The following ANO2 variants were observed in gnomAD, a reference collection of about 807,000 sequenced individuals.
The protein encoded by ANO2 is anoctamin 2.
Under a neutral mutation model 124.2 loss-of-function variants are expected in ANO2, and 101 were observed. The observed-to-expected ratio is 0.81, with a 90% confidence interval of 0.69 to 0.96. The LOEUF (loss-of-function observed/expected upper bound fraction) is 0.96, where lower values mean the gene tolerates loss of function less well. Ranked by LOEUF, ANO2 falls within the 40% of genes least tolerant of loss-of-function variation. The pLI is 0.00. For missense variants in ANO2, 1,293 were observed against 1,274.5 expected (o/e 1.01, Z -0.22); for synonymous variants, 486 against 482.5 (o/e 1.01, Z -0.09).
At chr12:5,789,470 G>A (rs1565670539) in intron 10 of ANO2, among the ~76,000 whole-genome samples, 1 of 152,202 alleles carries the variant, frequency 6.6e-6, no homozygotes, top group Non-Finnish European at 1.5e-5. Flanking sequence ...AAACCAGTAA[G>A]GATGAGCCTA....
intron 10 of ANO2, among the ~76,000 whole-genome samples, chr12:5,792,973 A>G (rs1325117061): frequency 6.6e-6 from 1 of 152,194 alleles, no homozygotes; most frequent in Non-Finnish European, 1.5e-5. Flanking sequence ...GTGAGTCCCA[A>G]GAAGGACAAT....
intron 3 of ANO2, among the ~76,000 whole-genome samples, chr12:5,874,747 T>C (rs1209250333): frequency 2.0e-5 from 3 of 152,180 alleles, no homozygotes; most frequent in East Asian, 1.9e-4. Flanking sequence ...TAGTTGTACA[T>C]ATGGAAATCC....
chr12:5,646,403 C>G (rs1488041044), intron 15 of ANO2, among the ~76,000 whole-genome samples: 1 of 152,058 alleles, frequency 6.6e-6, no homozygotes, highest in Non-Finnish European at 1.5e-5. Flanking sequence ...ATATCCTAAC[C>G]TACTACTACT....
At chr12:5,901,438 G>A (rs1261901490) in intron 3 of ANO2, among the ~76,000 whole-genome samples, 1 of 152,208 alleles carries the variant, frequency 6.6e-6, no homozygotes, top group Non-Finnish European at 1.5e-5. Context: ...CCAAGGGTTT[G>A]AGATGGCAGC....
intron 15 of ANO2, among the ~76,000 whole-genome samples, chr12:5,638,765 G>A (rs756214782): frequency 2.9e-4 from 44 of 151,910 alleles, no homozygotes; most frequent in Non-Finnish European, 5.3e-4. Context: ...CTGGCTGCCT[G>A]GCACATGGTC....
At chr12:5,718,811 T>C (rs1236832473) in intron 14 of ANO2, among the ~76,000 whole-genome samples, 1 of 152,190 alleles carries the variant, frequency 6.6e-6, no homozygotes, top group Non-Finnish European at 1.5e-5. Flanking sequence ...ATGCAGTGGC[T>C]GTAACTCTTC....
At chr12:5,693,475 G>A (rs1949029258) in intron 14 of ANO2, among the ~76,000 whole-genome samples, 1 of 152,066 alleles carries the variant, frequency 6.6e-6, no homozygotes, top group Non-Finnish European at 1.5e-5. Context: ...TTGGACCACT[G>A]CAACTGCCTC....
chr12:5,610,155 TAC>T (rs1944427806), intron 19 of ANO2, among the ~76,000 whole-genome samples: 1 of 131,002 alleles, frequency 7.6e-6, no homozygotes, highest in African/African-American at 2.9e-5. Context: ...TATTTATATA[TAC>T]AAATTTATAT....
Position 5,945,208 on chromosome 12 carries a change from GA to G in ANO2, c.9del (p.Pro6ArgfsTer14). Reference protein sequence around the residue: MATPGPRDIPLLP... With the variant: MAXPGPRDIPLLP... ...CCGGAAAACTCACCGCGCGGCCCGGGAGTCGCCATGATGTGGACGCAGACCC... is the reference window on the plus strand; with the variant it reads ...CCGGAAAACTCACCGCGCGGCCCGGGGTCGCCATGATGTGGACGCAGACCC... On this transcript the variant is annotated frameshift_variant, in exon 1 of 25. Coordinates refer to ENST00000682330, the MANE Select transcript of ANO2 (RefSeq NM_001364791.2). LOFTEE classifies it high-confidence loss of function. 7.8e-7 allele frequency: 1 copy of G among 1,288,692 alleles called. No homozygotes were observed. Among genetic ancestry groups the G allele is most frequent in the Non-Finnish European group, 1.0e-6 (1 of 988,234 alleles). 79.8% of individuals were successfully genotyped at this position (1,288,692 alleles called of 1,614,324 possible).
At chr12:5,767,110 A>T (rs1049670491) in intron 10 of ANO2, among the ~76,000 whole-genome samples, 8 of 152,214 alleles carry the variant, frequency 5.3e-5, no homozygotes, top group Non-Finnish European at 1.0e-4. Flanking sequence ...TTCTGCTCTC[A>T]ACTCTGCCAA....
intron 3 of ANO2, among the ~76,000 whole-genome samples, chr12:5,920,767 T>G (rs2136302123): frequency 6.6e-6 from 1 of 152,138 alleles, no homozygotes; most frequent in East Asian, 1.9e-4. Flanking sequence ...CTCGGGAGAC[T>G]GAGGTAGGAG....
chr12:5,580,441 G>A (rs11063763), intron 20 of ANO2, among the ~76,000 whole-genome samples: 13,055 of 152,112 alleles, frequency 0.086, 784 homozygotes, highest in East Asian at 0.32. Context: ...AGAGAGACCC[G>A]ACTTCTAGAC....
intron 14 of ANO2, among the ~76,000 whole-genome samples, chr12:5,728,069 G>T (rs1040423368): frequency 1.3e-5 from 2 of 152,116 alleles, no homozygotes; most frequent in Non-Finnish European, 2.9e-5. Flanking sequence ...GCCTCTCAAG[G>T]TGCTGGGATT....
At chr12:5,868,683 A>C (rs1368364012) in intron 3 of ANO2, among the ~76,000 whole-genome samples, 1 of 152,172 alleles carries the variant, frequency 6.6e-6, no homozygotes, top group Non-Finnish European at 1.5e-5. Flanking sequence ...TATGAGGCGA[A>C]AGCCCAGTCT....
intron 14 of ANO2, among the ~76,000 whole-genome samples, chr12:5,729,609 A>C (rs928745354): frequency 6.6e-6 from 1 of 152,198 alleles, no homozygotes; most frequent in African/African-American, 2.4e-5. Context: ...CAGTTCTTTA[A>C]AATGTTAAAC....
chr12:5,824,463 A>C (rs955601441), intron 7 of ANO2, among the ~76,000 whole-genome samples: 1 of 152,220 alleles, frequency 6.6e-6, no homozygotes, highest in African/African-American at 2.4e-5. Context: ...TTGCTAAAAC[A>C]TAACAAGAGT....
At chr12:5,732,878 C>T (rs1339383176) in intron 13 of ANO2, 1 of 1,613,942 alleles carries the variant, frequency 6.2e-7, no homozygotes, top group Non-Finnish European at 8.5e-7. Flanking sequence ...GGGCACGTTC[C>T]TGGGGATAGC....
chr12:5,775,161 A>T (rs2137125736), intron 10 of ANO2, among the ~76,000 whole-genome samples: 1 of 152,250 alleles, frequency 6.6e-6, no homozygotes, highest in African/African-American at 2.4e-5. Context: ...GATCTATTCC[A>T]TTGCCCTACT....
At chr12:5,851,090 C>T (rs775326986) in intron 4 of ANO2, among the ~76,000 whole-genome samples, 1 of 152,094 alleles carries the variant, frequency 6.6e-6, no homozygotes, top group Non-Finnish European at 1.5e-5. Context: ...GCTGTGTCTA[C>T]CAAAATGCAA....
Sources: gnomAD v4.1 joint callset for allele counts (sites outside exome capture counted in the v4.1 genomes callset) on GRCh38, gnomAD v4.1.1 for gene constraint, MANE v1.5 for transcripts, NCBI Gene and HGNC (gene_info 2026-07-23, HGNC 2026-07-21) for gene names.